Variants in MNAT1 observed in about 807,000 individuals in gnomAD.
The protein encoded by MNAT1 is CDK-activating kinase assembly factor MAT1.
MNAT1 carries 43 observed loss-of-function variants against 42.0 expected under a neutral mutation model. That is an observed-to-expected ratio of 1.02 (90% CI 0.80 to 1.32). The LOEUF (loss-of-function observed/expected upper bound fraction) is 1.32, where lower values mean the gene tolerates loss of function less well. MNAT1 is among the 40% of genes most tolerant of loss of function. MNAT1 has a pLI of 0.00. For synonymous variants in MNAT1, 118 were observed against 120.0 expected (o/e 0.98, Z 0.11); for missense variants, 306 against 350.4 (o/e 0.87, Z 1.01).
At chr14:60,883,993 A>T (rs2034607437) in intron 7 of MNAT1, among the ~76,000 whole-genome samples, 1 of 152,074 alleles carries the variant, frequency 6.6e-6, no homozygotes, top group Non-Finnish European at 1.5e-5. Flanking sequence ...TTCCAAATAT[A>T]AGATCATATC....
chr14:60,911,454 G>T (rs1051566617), intron 7 of MNAT1, among the ~76,000 whole-genome samples: 1 of 151,662 alleles, frequency 6.6e-6, no homozygotes, highest in African/African-American at 2.4e-5. Context: ...TTCTCTTGTG[G>T]GCACTTAGTG....
chr14:60,957,711 T>G (rs1379197828), intron 7 of MNAT1, among the ~76,000 whole-genome samples: 1 of 152,226 alleles, frequency 6.6e-6, no homozygotes, highest in Non-Finnish European at 1.5e-5. Context: ...GCTCTAGTTC[T>G]TTTCTGGAAA....
chr14:60,882,537 C>A (rs8004224), intron 7 of MNAT1, among the ~76,000 whole-genome samples: 8,551 of 152,220 alleles, frequency 0.056, 319 homozygotes, highest in African/African-American at 0.1. Flanking sequence ...AGTCCTGTAA[C>A]AAACATGGGA....
intron 4 of MNAT1, among the ~76,000 whole-genome samples, chr14:60,811,067 T>C (rs564760924): frequency 5.9e-5 from 9 of 152,240 alleles, no homozygotes; most frequent in African/African-American, 2.2e-4. Flanking sequence ...TGTTGATCCT[T>C]TTATCATTAT....
intron 7 of MNAT1, among the ~76,000 whole-genome samples, chr14:60,939,564 A>T (rs1025828707): frequency 5.9e-5 from 9 of 152,104 alleles, no homozygotes; most frequent in African/African-American, 2.2e-4. Flanking sequence ...CTTAATCCTG[A>T]ATTCTAGTTT....
rs537512276 is a variant in MNAT1, at chr14:60,925,625, G to T, written c.810-42604G>T. Among the ~76,000 whole-genome samples the T allele has an allele frequency of 3.1e-4, 47 of 152,102 alleles. No individual in the cohort carries two copies. The South Asian group carries it at 5.8e-3, about 19-fold the overall frequency. The stretch of plus-strand genomic sequence containing the variant: ...CCTTCCTTACACTTCCTTCCATCAG[G>T]TTACATTCACTTTTTTCTTACGTTT... On this transcript the variant is annotated intron_variant, in intron 7 of 7. Transcript: ENST00000261245.
At chr14:60,756,989 A>G (rs149751974) in intron 1 of MNAT1, among the ~76,000 whole-genome samples, 2 of 152,198 alleles carry the variant, frequency 1.3e-5, no homozygotes, top group African/African-American at 2.4e-5. Context: ...CTGGACTAGA[A>G]CTTGATTTTA....
At chr14:60,927,362 G>A (rs2035788158) in intron 7 of MNAT1, among the ~76,000 whole-genome samples, 2 of 152,220 alleles carry the variant, frequency 1.3e-5, no homozygotes, top group Non-Finnish European at 2.9e-5. Flanking sequence ...AAACTTTATT[G>A]AAGTAAAATT....
intron 7 of MNAT1, among the ~76,000 whole-genome samples, chr14:60,957,237 A>C (rs752918146): frequency 2.0e-5 from 3 of 152,204 alleles, no homozygotes; most frequent in Non-Finnish European, 4.4e-5. Context: ...ATACAAAAAC[A>C]TACAAAAACT....
chr14:60,903,192 AAT>A (rs2035109267), intron 7 of MNAT1, among the ~76,000 whole-genome samples: 1 of 151,970 alleles, frequency 6.6e-6, no homozygotes, highest in African/African-American at 2.4e-5. Context: ...TTGCATCATG[AAT>A]ATATATTAAA....
At chr14:60,832,537 A>G (rs183206085) in intron 6 of MNAT1, among the ~76,000 whole-genome samples, 1 of 152,104 alleles carries the variant, frequency 6.6e-6, no homozygotes, top group Admixed American at 6.5e-5. Flanking sequence ...ATTGGTCTAT[A>G]TATCTGTTTT....
At chr14:60,897,165 A>G (rs940785661) in intron 7 of MNAT1, among the ~76,000 whole-genome samples, 1 of 152,178 alleles carries the variant, frequency 6.6e-6, no homozygotes, top group African/African-American at 2.4e-5. Flanking sequence ...AGTGAAAAAT[A>G]ATTAAAAATT....
chr14:60,875,928 C>A (rs765032914), intron 6 of MNAT1, among the ~76,000 whole-genome samples: 1 of 152,046 alleles, frequency 6.6e-6, no homozygotes, highest in Non-Finnish European at 1.5e-5. Context: ...GAAATGCACA[C>A]GGAGTGTTGG....
chr14:60,869,040 A>ATATTTTTTTTTT (rs1465360826), intron 6 of MNAT1, among the ~76,000 whole-genome samples: 2 of 113,054 alleles, frequency 1.8e-5, no homozygotes, highest in African/African-American at 6.8e-5. Flanking sequence ...ATATATATAT[A>ATATTTTTTTTTT]TTTTTTTTTT....
chr14:60,942,674 C>T (rs1271890713), intron 7 of MNAT1, among the ~76,000 whole-genome samples: 3 of 151,780 alleles, frequency 2.0e-5, no homozygotes, highest in Non-Finnish European at 4.4e-5. Context: ...TAAAAATCAG[C>T]CCATTTTTAT....
At chr14:60,942,003 CAAA>C (rs3080602) in intron 7 of MNAT1, among the ~76,000 whole-genome samples, 6 of 29,940 alleles carry the variant, frequency 2.0e-4, no homozygotes, top group African/African-American at 7.5e-4. Flanking sequence ...GGCTCCATCT[CAAA>C]AAAAAAAAAA....
intron 6 of MNAT1, among the ~76,000 whole-genome samples, chr14:60,833,479 T>C (rs1381829145): frequency 2.0e-5 from 3 of 152,172 alleles, no homozygotes; most frequent in Non-Finnish European, 4.4e-5. Flanking sequence ...ATTGATTATG[T>C]TTTTTGATTT....
At chr14:60,925,297 A>G (rs774465061) in intron 7 of MNAT1, among the ~76,000 whole-genome samples, 10 of 152,214 alleles carry the variant, frequency 6.6e-5, no homozygotes, top group Non-Finnish European at 1.2e-4. Context: ...CACAGGTTAT[A>G]TGGAAATACA....
At chr14:60,741,970 T>G (rs1180572172) in intron 1 of MNAT1, among the ~76,000 whole-genome samples, 1 of 152,138 alleles carries the variant, frequency 6.6e-6, no homozygotes, top group East Asian at 1.9e-4. Context: ...CATGTTTCCT[T>G]GTATTCCTTT....
Sources: allele counts gnomAD v4.1 joint callset (sites outside exome capture counted in the v4.1 genomes callset), GRCh38; gene constraint gnomAD v4.1.1; transcripts MANE v1.5; gene names NCBI Gene and HGNC (gene_info 2026-07-23, HGNC 2026-07-21).